TAF12: variants seen among roughly 807,000 people sequenced by gnomAD.
The protein encoded by TAF12 is TATA-box binding protein associated factor 12.
TAF12 carries 3 observed loss-of-function variants against 20.8 expected under a neutral mutation model. The observed-to-expected ratio is 0.14, with a 90% CI of 0.07 to 0.37. The LOEUF (loss-of-function observed/expected upper bound fraction) is 0.37. Ranked by LOEUF, TAF12 falls within the 10% of genes least tolerant of loss-of-function variation. The pLI, the probability that TAF12 is intolerant of heterozygous loss-of-function variation, is 1.00. For missense variants in TAF12, 131 were observed against 197.9 expected (o/e 0.66, Z 2.03); for synonymous variants, 69 against 70.2 (o/e 0.98, Z 0.09).
intron 1 of TAF12, among the ~76,000 whole-genome samples, chr1:28,636,384 C>T (rs1416155483): frequency 6.6e-6 from 1 of 151,818 alleles, no homozygotes; most frequent in Non-Finnish European, 1.5e-5. Context: ...AGGATATGAA[C>T]CATGGTAGCA....
chr1:28,614,389 C>G (rs1044468308), intron 3 of TAF12, among the ~76,000 whole-genome samples: 1 of 151,612 alleles, frequency 6.6e-6, no homozygotes, highest in African/African-American at 2.4e-5. Context: ...CATGGTGAAA[C>G]CCAGTCTCTA....
intron 1 of TAF12, among the ~76,000 whole-genome samples, chr1:28,629,106 A>G (rs1172569104): frequency 6.6e-6 from 1 of 152,132 alleles, no homozygotes; most frequent in Non-Finnish European, 1.5e-5. Flanking sequence ...ATACACAGAC[A>G]TACAGTTGTA....
At chr1:28,625,610 C>T (rs1437667083) in intron 1 of TAF12, among the ~76,000 whole-genome samples, 1 of 148,968 alleles carries the variant, frequency 6.7e-6, no homozygotes, top group Non-Finnish European at 1.5e-5. Context: ...GGCACTAACT[C>T]GGCTCACTGC....
intron 1 of TAF12, among the ~76,000 whole-genome samples, chr1:28,637,131 C>A (rs1054008237): frequency 6.6e-6 from 1 of 152,158 alleles, no homozygotes; most frequent in East Asian, 1.9e-4. Context: ...AAGTGGTCAG[C>A]AGGAGGCTGA....
At chr1:28,633,040 T>A (rs994016047) in intron 1 of TAF12, among the ~76,000 whole-genome samples, 5 of 151,782 alleles carry the variant, frequency 3.3e-5, no homozygotes, top group African/African-American at 4.8e-5. Flanking sequence ...TTTTTTTTTT[T>A]ATTTAGTACA....
upstream of TAF12, among the ~76,000 whole-genome samples, chr1:28,644,095 G>A (rs1668125545): frequency 6.6e-6 from 1 of 151,844 alleles, no homozygotes; most frequent in Non-Finnish European, 1.5e-5. Flanking sequence ...ACTGTATGCT[G>A]GAATGTTAGG....
chr1:28,632,576 A>G (rs1667669290), intron 1 of TAF12, among the ~76,000 whole-genome samples: 2 of 152,128 alleles, frequency 1.3e-5, no homozygotes, highest in Admixed American at 6.6e-5. Context: ...TGAATCTCAA[A>G]TGTATCATAC....
intron 1 of TAF12, among the ~76,000 whole-genome samples, chr1:28,622,614 T>C (rs747099701): frequency 1.5e-4 from 23 of 152,108 alleles, no homozygotes; most frequent in Non-Finnish European, 3.1e-4. Context: ...TAGGGCCGCG[T>C]GCAGTAGCTC....
rs945459819 is a variant in TAF12 at position 28,603,347 on chromosome 1, C to T, written c.*192G>A. 7 of 567,414 alleles carry T rather than the reference C, an allele frequency of 1.2e-5. No homozygotes were observed. Among genetic ancestry groups the T allele is most frequent in the Admixed American group, 9.3e-5 (3 of 32,386 alleles). 35.1% of individuals were successfully genotyped at this position (567,414 alleles called of 1,614,324 possible). On this transcript the variant is annotated 3_prime_UTR_variant, in exon 6 of 6. Coordinates refer to ENST00000373824, the MANE Select transcript of TAF12 (RefSeq NM_005644.4). The stretch of plus-strand genomic sequence containing the variant: ...CTTTGAGATGGCAGGGAAAAGGGAC[C>T]GGAAGTTGGGGTAGGAGGCTTTATT...
intron 1 of TAF12, among the ~76,000 whole-genome samples, chr1:28,632,762 G>A (rs1310498746): frequency 1.3e-5 from 2 of 152,038 alleles, no homozygotes; most frequent in African/African-American, 2.4e-5. Context: ...GGGTGAAATT[G>A]TTCTGTATCT....
intron 1 of TAF12, among the ~76,000 whole-genome samples, chr1:28,637,231 A>G (rs1019130944): frequency 6.6e-6 from 1 of 152,020 alleles, no homozygotes; most frequent in Non-Finnish European, 1.5e-5. Flanking sequence ...GGCCCAGGCA[A>G]ATTCTTTTTT....
In TAF12 at chr1:28,605,454, T is replaced by A. The variant is rs751701996; in HGVS notation, c.368A>T (p.Gln123Leu). 1 of 1,614,046 alleles carries A rather than the reference T, an allele frequency of 6.2e-7. No homozygotes were observed. Among genetic ancestry groups the A allele is most frequent in the Non-Finnish European group, 8.5e-7 (1 of 1,179,992 alleles). Reference protein sequence around the residue: ...VKDVQLHLERQWNMWIPGFGS... With the variant: ...VKDVQLHLERLWNMWIPGFGS... Reference sequence around the variant, plus strand: ...AAATCCTGGGATCCACATGTTCCACTGGCGCTCTGCAAGGAAGAAGCCAGC... The same window carrying A: ...AAATCCTGGGATCCACATGTTCCACAGGCGCTCTGCAAGGAAGAAGCCAGC... Residue 123 changes from glutamine (Q) to leucine (L), a missense_variant, in exon 5 of 6, where the codon CAG becomes CTG. Gln to Leu is a moderately radical substitution (Grantham distance 113, BLOSUM62 -2). Transcript: ENST00000373824.
intron 1 of TAF12, among the ~76,000 whole-genome samples, chr1:28,629,296 A>AT (rs1416475057): frequency 1.6e-4 from 24 of 152,080 alleles, no homozygotes; most frequent in Non-Finnish European, 2.9e-5. Context: ...TACTATTTGA[A>AT]TTTTTTTCTC....
At chr1:28,632,223 A>G (rs1406790960) in intron 1 of TAF12, among the ~76,000 whole-genome samples, 3 of 152,194 alleles carry the variant, frequency 2.0e-5, no homozygotes, top group Non-Finnish European at 2.9e-5. Flanking sequence ...GGATCACCTG[A>G]GGTCAGGAGT....
intron 1 of TAF12, among the ~76,000 whole-genome samples, chr1:28,630,183 C>T (rs1388494967): frequency 4.6e-5 from 7 of 152,084 alleles, no homozygotes; most frequent in Non-Finnish European, 8.8e-5. Flanking sequence ...TGGGCTCAAG[C>T]GATCCTCCTG....
intron 1 of TAF12, among the ~76,000 whole-genome samples, chr1:28,641,773 G>A (rs1004431227): frequency 1.5e-5 from 2 of 132,558 alleles, no homozygotes; most frequent in Non-Finnish European, 3.1e-5. Context: ...CAGACTGGGC[G>A]ACAGAGAGAG....
chr1:28,605,530 C>A, intron 4 of TAF12, 70 bp from the exon 5 acceptor site: 1 of 1,477,524 alleles, frequency 6.8e-7, no homozygotes, highest in Non-Finnish European at 9.4e-7. Flanking sequence ...ATGTGACCCC[C>A]TTGGATCAGG....
upstream of TAF12, among the ~76,000 whole-genome samples, chr1:28,647,323 T>C (rs1166867572): frequency 6.6e-6 from 1 of 152,136 alleles, no homozygotes; most frequent in African/African-American, 2.4e-5. Context: ...GATCTTCATC[T>C]GTCACCTAGG....
chr1:28,605,550 T>A, intron 4 of TAF12, 90 bp from the exon 5 acceptor site: 7 of 1,182,784 alleles, frequency 5.9e-6, no homozygotes. Context: ...GGAGGATGAA[T>A]GTGGGCATCT....
Sources: gnomAD v4.1 joint callset for allele counts (sites outside exome capture counted in the v4.1 genomes callset) on GRCh38, gnomAD v4.1.1 for gene constraint, MANE v1.5 for transcripts, NCBI Gene and HGNC (gene_info 2026-07-23, HGNC 2026-07-21) for gene names.